The following ARHGAP15 variants were observed in gnomAD, a reference collection of about 807,000 sequenced individuals.
ARHGAP15 encodes rho GTPase-activating protein 15.
Under a neutral mutation model 63.7 loss-of-function variants are expected in ARHGAP15, and 51 were observed. That is an observed-to-expected ratio of 0.80 (90% CI 0.64 to 1.01). The LOEUF (loss-of-function observed/expected upper bound fraction) is 1.01, where lower values mean the gene tolerates loss of function less well. ARHGAP15 is among the 50% of genes least tolerant of loss of function. ARHGAP15 has a pLI of 0.00. For missense variants in ARHGAP15, 560 were observed against 564.6 expected (o/e 0.99, Z 0.08); for synonymous variants, 191 against 193.8 (o/e 0.99, Z 0.12).
intron 12 of ARHGAP15, among the ~76,000 whole-genome samples, chr2:143,633,987 C>G (rs1217716803): frequency 6.6e-6 from 1 of 152,004 alleles, no homozygotes; most frequent in Non-Finnish European, 1.5e-5. Context: ...TTTTCTCTAC[C>G]CAACCCAGCA....
At chr2:143,242,397 C>T (rs1693898883) in intron 5 of ARHGAP15, among the ~76,000 whole-genome samples, 1 of 152,184 alleles carries the variant, frequency 6.6e-6, no homozygotes, top group African/African-American at 2.4e-5. Flanking sequence ...AAGCTATTCA[C>T]CTTGCAGAAA....
chr2:143,539,578 T>C (rs1307069079), intron 10 of ARHGAP15, among the ~76,000 whole-genome samples: 2 of 152,230 alleles, frequency 1.3e-5, no homozygotes, highest in Non-Finnish European at 2.9e-5. Flanking sequence ...TGGTATGTTG[T>C]GTCTTTGTTC....
At chr2:143,548,403 TATTTA>T in intron 10 of ARHGAP15, among the ~76,000 whole-genome samples, 1 of 152,090 alleles carries the variant, frequency 6.6e-6, no homozygotes, top group South Asian at 2.1e-4. Context: ...TCTTTCGAGG[TATTTA>T]ATTTAAATCT....
At chr2:143,201,139 T>C (rs1692099325) in intron 2 of ARHGAP15, among the ~76,000 whole-genome samples, 1 of 151,842 alleles carries the variant, frequency 6.6e-6, no homozygotes, top group Non-Finnish European at 1.5e-5. Flanking sequence ...GAGTGGGGTC[T>C]CACTCTGTTG....
chr2:143,518,925 C>A (rs931245175), intron 9 of ARHGAP15: 1 of 186,276 alleles, frequency 5.4e-6, no homozygotes, highest in Admixed American at 5.8e-5. Context: ...CTCAGTATAC[C>A]AAAGACACTA....
chr2:143,370,054 G>A (rs1686475098), intron 6 of ARHGAP15, among the ~76,000 whole-genome samples: 1 of 152,012 alleles, frequency 6.6e-6, no homozygotes, highest in African/African-American at 2.4e-5. Context: ...ATAAGGAGTA[G>A]GTCTTAAAAC....
chr2:143,172,542 G>T (rs1690831104), intron 2 of ARHGAP15, among the ~76,000 whole-genome samples: 1 of 152,034 alleles, frequency 6.6e-6, no homozygotes, highest in African/African-American at 2.4e-5. Flanking sequence ...TTGGTTGAGT[G>T]GGTATAGATG....
At chr2:143,432,556 A>G (rs759558361) in intron 6 of ARHGAP15, among the ~76,000 whole-genome samples, 10 of 152,072 alleles carry the variant, frequency 6.6e-5, no homozygotes, top group Non-Finnish European at 1.5e-4. Context: ...GACTATTCTA[A>G]GCCCACGTGA....
intron 3 of ARHGAP15, among the ~76,000 whole-genome samples, chr2:143,209,194 G>T (rs372024450): frequency 1.3e-5 from 2 of 152,174 alleles, no homozygotes; most frequent in East Asian, 3.9e-4. Flanking sequence ...AACTCTAAAA[G>T]CTCTTTAGTC....
intron 11 of ARHGAP15, chr2:143,564,175 C>T (rs1696134674): frequency 6.6e-6 from 1 of 152,220 alleles, no homozygotes; most frequent in Non-Finnish European, 1.5e-5. Context: ...CAGCTGCCCT[C>T]ATCAAAGCAG....
chr2:143,634,823 A>G (rs1464521837), intron 12 of ARHGAP15, among the ~76,000 whole-genome samples: 3 of 151,958 alleles, frequency 2.0e-5, no homozygotes, highest in Non-Finnish European at 4.4e-5. Flanking sequence ...GCCCAACCCC[A>G]CTTGGATAAT....
chr2:143,719,524 T>G (rs1684957390), intron 13 of ARHGAP15, among the ~76,000 whole-genome samples: 2 of 152,232 alleles, frequency 1.3e-5, no homozygotes, highest in Admixed American at 1.3e-4. Flanking sequence ...AACTCTGCCC[T>G]CTTGGCTTCC....
chr2:143,694,625 A>G (rs1683763916), intron 12 of ARHGAP15, among the ~76,000 whole-genome samples: 1 of 152,214 alleles, frequency 6.6e-6, no homozygotes, highest in African/African-American at 2.4e-5. Context: ...TTCTTTTACA[A>G]TAGTCTCACA....
chr2:143,759,713 T>G (rs145648704), intron 13 of ARHGAP15, among the ~76,000 whole-genome samples: 25 of 152,244 alleles, frequency 1.6e-4, no homozygotes, highest in Admixed American at 5.9e-4. Flanking sequence ...GTTCCCCTGA[T>G]ATGTGCACCT....
chr2:143,173,881 C>T (rs1253803562), intron 2 of ARHGAP15, among the ~76,000 whole-genome samples: 2 of 151,982 alleles, frequency 1.3e-5, no homozygotes, highest in Non-Finnish European at 2.9e-5. Flanking sequence ...GAAAAAAATC[C>T]CACAAGAAAC....
intron 13 of ARHGAP15, among the ~76,000 whole-genome samples, chr2:143,759,256 A>G (rs1465079528): frequency 1.3e-5 from 2 of 152,104 alleles, no homozygotes; most frequent in African/African-American, 2.4e-5. Context: ...AAATACTCCA[A>G]AATGTGGAGG....
intron 12 of ARHGAP15, among the ~76,000 whole-genome samples, chr2:143,675,666 A>G (rs1259766776): frequency 6.6e-6 from 1 of 152,198 alleles, no homozygotes; most frequent in African/African-American, 2.4e-5. Context: ...GTAGGACTCA[A>G]CAGAGGGCTT....
chr2:143,319,083 G>A (rs985530526), intron 6 of ARHGAP15, among the ~76,000 whole-genome samples: 2 of 151,940 alleles, frequency 1.3e-5, no homozygotes, highest in African/African-American at 4.8e-5. Flanking sequence ...TTAGCCATCT[G>A]TCTCCTATCT....
At position 143,691,966 on chromosome 2, in the gene ARHGAP15, GT is replaced by G. The variant is rs1455920347; in HGVS notation, c.1139-11449del. On this transcript the variant is annotated intron_variant, in intron 12 of 13. Coordinates refer to ENST00000295095, the MANE Select transcript of ARHGAP15 (RefSeq NM_018460.4). ...CCAATGCCAGATGATGGAATTTGGT[GT>G]TTTAATATTACCTCCGATGAAATTA... Among the ~76,000 whole-genome samples the G allele has an allele frequency of 7.9e-5, 12 of 152,298 alleles. No individual in the cohort carries two copies. In the South Asian group the frequency reaches 1.7e-3, roughly 21 times the overall value.
Sources: gnomAD v4.1 joint callset for allele counts (sites outside exome capture counted in the v4.1 genomes callset) on GRCh38, gnomAD v4.1.1 for gene constraint, MANE v1.5 for transcripts, NCBI Gene and HGNC (gene_info 2026-07-23, HGNC 2026-07-21) for gene names.